FAM227A: variants seen among roughly 807,000 people sequenced by gnomAD.
FAM227A encodes the protein protein FAM227A.
FAM227A carries 80 observed loss-of-function variants against 74.7 expected under a neutral mutation model. The observed-to-expected ratio is 1.07, with a 90% CI of 0.89 to 1.29. FAM227A has a LOEUF of 1.29. FAM227A is among the 50% of genes most tolerant of loss of function. The probability of loss-of-function intolerance (pLI) is 0.00; values close to 1 mark genes in which losing one functional copy is unlikely to be tolerated. For missense variants in FAM227A, 654 were observed against 683.4 expected (o/e 0.96, Z 0.48); for synonymous variants, 237 against 241.8 (o/e 0.98, Z 0.19).
chr22:38,591,467 C>T lies in FAM227A; in HGVS notation c.1606G>A (p.Val536Ile), dbSNP rs1402867205. The T allele has an allele frequency of 2.9e-5, 45 of 1,551,118 alleles. 1 individual carries two copies. Among genetic ancestry groups the T allele is most frequent in the East Asian group, 4.9e-5 (2 of 40,866 alleles). Residue 536 changes from valine (V) to isoleucine (I), a missense_variant, in exon 16 of 17, where the codon GTC (valine) becomes ATC (isoleucine). Transcript: ENST00000535113. ...ANHMFIPPSA[V>I]NEESPDKKTK... ...TTCTTGTCAGGTGATTCCTCATTGACGGCTGAAGGTGGGATGAACATGTGG... is the reference window on the plus strand; with the variant it reads ...TTCTTGTCAGGTGATTCCTCATTGATGGCTGAAGGTGGGATGAACATGTGG...
In FAM227A at chr22:38,597,202, A is replaced by C. The variant is rs1405385045; in HGVS notation, c.1532+2T>G. ...CGGCATTCCCCAAAGCCCCTTCCAT[A>C]CCTGGAGAAGTTGTCTTGCAGCTCC... On this transcript the variant is annotated splice_donor_variant, in intron 15 of 16. Transcript: ENST00000535113. LOFTEE classifies it high-confidence loss of function. 2 of 1,552,100 alleles carry C rather than the reference A, an allele frequency of 1.3e-6. No homozygotes were observed.
intron 11 of FAM227A, among the ~76,000 whole-genome samples, chr22:38,614,772 T>C (rs1005761992): frequency 2.6e-5 from 4 of 152,224 alleles, no homozygotes; most frequent in Admixed American, 2.0e-4. Flanking sequence ...GAAGAGTTTA[T>C]GTATTTCAGT....
At chr22:38,642,939 A>G (rs2145692722) in intron 3 of FAM227A, among the ~76,000 whole-genome samples, 1 of 152,204 alleles carries the variant, frequency 6.6e-6, no homozygotes, top group South Asian at 2.1e-4. Context: ...CCGTCTCAAA[A>G]AAACAAAAAC....
At chr22:38,632,359 C>A (rs1023817376) in intron 6 of FAM227A, among the ~76,000 whole-genome samples, 59 of 152,100 alleles carry the variant, frequency 3.9e-4, no homozygotes, top group African/African-American at 1.4e-3. Context: ...GAGGGCTCCA[C>A]CCTCATGAAT....
chr22:38,641,423 G>A (rs1004174524), intron 3 of FAM227A, among the ~76,000 whole-genome samples: 3 of 151,902 alleles, frequency 2.0e-5, no homozygotes, highest in Non-Finnish European at 2.9e-5. Context: ...GTGGTGGCAC[G>A]TGCCTATAAT....
At chr22:38,629,274 G>C (rs1728930423) in intron 6 of FAM227A, among the ~76,000 whole-genome samples, 2 of 152,158 alleles carry the variant, frequency 1.3e-5, no homozygotes, top group African/African-American at 2.4e-5. Flanking sequence ...GCAGTTAATG[G>C]GCAAACATAA....
At chr22:38,621,680 A>C (rs1406571039) in intron 10 of FAM227A, among the ~76,000 whole-genome samples, 1 of 152,164 alleles carries the variant, frequency 6.6e-6, no homozygotes, top group African/African-American at 2.4e-5. Flanking sequence ...CTCTGCTCTA[A>C]GGGTTTCAGG....
intron 13 of FAM227A, among the ~76,000 whole-genome samples, chr22:38,604,756 C>T (rs1020810944): frequency 1.3e-5 from 2 of 152,106 alleles, no homozygotes; most frequent in Admixed American, 1.3e-4. Context: ...CAGGTTCAAG[C>T]GATTCTCCTG....
intron 2 of FAM227A, among the ~76,000 whole-genome samples, chr22:38,648,143 C>T (rs762751597): frequency 2.6e-5 from 4 of 151,974 alleles, no homozygotes; most frequent in African/African-American, 9.7e-5. Context: ...AGATGGAGTT[C>T]TGTGACCCTG....
chr22:38,620,443 T>C (rs2091663493), intron 10 of FAM227A, among the ~76,000 whole-genome samples, 152 bp from the exon 11 acceptor site: 2 of 152,144 alleles, frequency 1.3e-5, no homozygotes, highest in Admixed American at 6.5e-5. Flanking sequence ...GCAAGTTACC[T>C]AACCCTGGTC....
In FAM227A at chr22:38,626,266, C is replaced by G. The variant is rs1458924321; in HGVS notation, c.764G>C (p.Ser255Thr). 5 of 1,551,680 alleles carry G rather than the reference C, an allele frequency of 3.2e-6. No individual in the cohort carries two copies. The South Asian group carries it at 5.9e-5, about 18-fold the overall frequency. The change falls in exon 9 of 17, where the codon AGC becomes ACC. Residue 255 changes from serine to threonine, a missense_variant. By Grantham distance (58) the Ser-to-Thr change is moderately conservative (BLOSUM62 1). Coordinates refer to ENST00000535113, the MANE Select transcript of FAM227A (RefSeq NM_001013647.2). ...PSLLSKAVYT[S>T]FCCCFPQSWF... ...GGACTGTGGAAAGCAGCAACAGAAG[C>G]TGGTGTACACGGCTTTGCTGAGAAG...
At chr22:38,622,604 G>C (rs2091713850) in intron 10 of FAM227A, among the ~76,000 whole-genome samples, 1 of 152,150 alleles carries the variant, frequency 6.6e-6, no homozygotes, top group African/African-American at 2.4e-5. Flanking sequence ...GGCCAGGCAT[G>C]GTGGCTCACG....
Position 38,584,963 on chromosome 22 carries a change from A to G in FAM227A, c.*1162T>C, listed in dbSNP as rs564511882. 6.6e-6 allele frequency: 1 copy of G among 151,484 alleles called. No homozygotes were observed. Among genetic ancestry groups the G allele is most frequent in the Non-Finnish European group, 1.5e-5 (1 of 67,880 alleles). 9.4% of individuals were successfully genotyped at this position (151,484 alleles called of 1,614,324 possible). ...AGGTGCCCGCCACAACATCCAGCTA[A>G]TTTTTGTATTTTTAGTAGAGATGGG... is the stretch of plus-strand genomic sequence containing the variant. On this transcript the variant is annotated 3_prime_UTR_variant, in exon 17 of 17. Transcript: ENST00000535113.
intron 11 of FAM227A, 86 bp downstream of exon 11, chr22:38,620,126 G>A (rs977725835): frequency 9.7e-5 from 88 of 910,390 alleles, no homozygotes; most frequent in Middle Eastern, 6.7e-4. Context: ...GCAACTAACC[G>A]GAGGCCACTG....
rs1318931008 is a variant in FAM227A at position 38,591,468 on chromosome 22, G to T, written c.1605C>A (p.Ala535=). The T allele has an allele frequency of 6.4e-7, 1 of 1,551,038 alleles. No homozygotes were observed. The highest frequency in any genetic ancestry group is 8.7e-7 in the Non-Finnish European group (1 of 1,146,742). The change falls in exon 16 of 17, where the codon GCC becomes GCA. Residue 535 remains alanine, a synonymous_variant. Coordinates refer to ENST00000535113, the MANE Select transcript of FAM227A (RefSeq NM_001013647.2). The stretch of plus-strand genomic sequence containing the variant: ...TCTTGTCAGGTGATTCCTCATTGAC[G>T]GCTGAAGGTGGGATGAACATGTGGT... ...KANHMFIPPS[A]VNEESPDKKT...
intron 16 of FAM227A, 89 bp from the exon 17 acceptor site, chr22:38,586,288 A>G (rs1256060239): frequency 4.3e-6 from 6 of 1,398,530 alleles, no homozygotes; most frequent in Non-Finnish European, 5.8e-6. Context: ...TGGCGTGGCC[A>G]GTGGTGATCC....
At chr22:38,604,933 A>T (rs971828999) in intron 13 of FAM227A, among the ~76,000 whole-genome samples, 5 of 152,080 alleles carry the variant, frequency 3.3e-5, no homozygotes, top group South Asian at 2.1e-4. Flanking sequence ...GATTACAGGC[A>T]TGAACCACTG....
chr22:38,650,364 A>T (rs575861591), intron 1 of FAM227A, 102 bp from the exon 2 acceptor site: 1 of 578,870 alleles, frequency 1.7e-6, no homozygotes, highest in South Asian at 2.1e-5. Context: ...CACATGTCCC[A>T]TGCCTGCATG....
intron 8 of FAM227A, among the ~76,000 whole-genome samples, chr22:38,627,488 A>G (rs2145594781): frequency 6.6e-6 from 1 of 151,366 alleles, no homozygotes; most frequent in African/African-American, 2.4e-5. Context: ...GAATTGCTTG[A>G]ACCCAGGAAT....
Sources: allele counts gnomAD v4.1 joint callset (sites outside exome capture counted in the v4.1 genomes callset), GRCh38; gene constraint gnomAD v4.1.1; transcripts MANE v1.5; gene names NCBI Gene and HGNC (gene_info 2026-07-23, HGNC 2026-07-21).